ACLY: variants seen among roughly 807,000 people sequenced by gnomAD.
ACLY encodes ATP citrate lyase.
ACLY carries 41 observed loss-of-function variants against 133.0 expected under a neutral mutation model. That is an observed-to-expected ratio of 0.31 (90% CI 0.24 to 0.40). ACLY has a LOEUF of 0.40. Ranked by LOEUF, ACLY falls within the 10% of genes least tolerant of loss-of-function variation. ACLY has a pLI of 1.00. For synonymous variants in ACLY, 495 were observed against 549.3 expected (o/e 0.90, Z 1.38); for missense variants, 1,046 against 1,453.8 (o/e 0.72, Z 4.56).
chr17:41,918,952 A>C (rs2050130397), upstream of ACLY: 6 of 1,289,164 alleles, frequency 4.7e-6, no homozygotes, highest in South Asian at 7.4e-5. Flanking sequence ...GCACCCCAGC[A>C]GCCGGTAGCT....
At chr17:41,868,252 C>T (rs1278655921) in intron 28 of ACLY, among the ~76,000 whole-genome samples, 1 of 151,970 alleles carries the variant, frequency 6.6e-6, no homozygotes, top group African/African-American at 2.4e-5. Context: ...TCCTGGCTAA[C>T]ATGGTGAAAC....
At chr17:41,913,674 C>A in intron 2 of ACLY, 41 bp downstream of exon 2, 1 of 1,601,600 alleles carries the variant, frequency 6.2e-7, no homozygotes, top group South Asian at 1.1e-5. Context: ...TCCTCAGACC[C>A]CGGGCCTGGA....
chr17:41,910,701 G>C (rs2049877179), intron 3 of ACLY, among the ~76,000 whole-genome samples: 1 of 152,194 alleles, frequency 6.6e-6, no homozygotes, highest in Admixed American at 6.5e-5. Context: ...CCGGGCGCAG[G>C]GAATGGGTGG....
At chr17:41,929,580 C>G (rs1459463245) in intron 1 of ACLY, among the ~76,000 whole-genome samples, 1 of 152,196 alleles carries the variant, frequency 6.6e-6, no homozygotes, top group African/African-American at 2.4e-5. Context: ...GTTAATATCA[C>G]TTAAGTGGCC....
upstream of ACLY, among the ~76,000 whole-genome samples, chr17:41,922,046 A>C (rs565995329): frequency 2.9e-4 from 44 of 152,208 alleles, 1 homozygote; most frequent in South Asian, 9.1e-3. Flanking sequence ...AATACAAAAA[A>C]TTAGCTGGAT....
At chr17:41,871,294 T>G (rs1555624976) in intron 25 of ACLY, among the ~76,000 whole-genome samples, 1 of 152,126 alleles carries the variant, frequency 6.6e-6, no homozygotes, top group African/African-American at 2.4e-5. Context: ...AGCTTAGGTA[T>G]TCTCCCAAAT....
intron 27 of ACLY, 112 bp downstream of exon 27, chr17:41,868,931 C>A (rs569987428): frequency 7.9e-5 from 106 of 1,348,906 alleles, no homozygotes; most frequent in Non-Finnish European, 1.0e-4. Context: ...CTTCTTTATA[C>A]CTCTCCTTAT....
chr17:41,893,268 A>G (rs556175182), intron 14 of ACLY, 94 bp from the exon 15 acceptor site: 68 of 1,396,316 alleles, frequency 4.9e-5, no homozygotes, highest in Non-Finnish European at 6.2e-5. Context: ...TCCACGCCCC[A>G]TGTCCACAGG....
chr17:41,910,846 G>A (rs985436820), intron 3 of ACLY, among the ~76,000 whole-genome samples: 2 of 152,172 alleles, frequency 1.3e-5, no homozygotes, highest in Admixed American at 6.5e-5. Context: ...CCTCATCCTA[G>A]TAAGTCCCAA....
upstream of ACLY, among the ~76,000 whole-genome samples, chr17:41,921,511 G>A (rs4796621): frequency 0.88 from 130,592 of 148,792 alleles, 57,786 homozygotes; most frequent in East Asian, 1. Context: ...AAGAAAAAAA[G>A]GAAAAGAAAA....
chr17:41,884,287 G>C lies in ACLY; in HGVS notation c.2073-13C>G. ...GGAGCCCGGGTACCTGTTGAGAGCA[G>C]GGAGTATCAGGATACAGGATCAGGA... On this transcript the variant is annotated splice_polypyrimidine_tract_variant and intron_variant, in intron 18 of 28. Coordinates refer to ENST00000352035, the MANE Select transcript of ACLY (RefSeq NM_001096.3). 1.3e-6 allele frequency: 2 copies of C among 1,569,664 alleles called. No homozygotes were observed. Among genetic ancestry groups the C allele is most frequent in the Non-Finnish European group, 1.8e-6 (2 of 1,139,514 alleles).
At position 41,904,803 on chromosome 17, in the gene ACLY, T is replaced by A. The variant is rs781795666; in HGVS notation, c.1004-13A>T. On this transcript the variant is annotated splice_polypyrimidine_tract_variant and intron_variant, in intron 9 of 28. Transcript: ENST00000352035. ...ATGAGGATCTTGCCTGGATTTGGAG[T>A]AAGAGAGAATCAAAAACAGTTACAT... 1.2e-6 allele frequency: 2 copies of A among 1,612,218 alleles called. No individual in the cohort carries two copies. Among genetic ancestry groups the A allele is most frequent in the East Asian group, 4.5e-5 (2 of 44,876 alleles).
intron 14 of ACLY, among the ~76,000 whole-genome samples, chr17:41,895,882 A>G (rs1555630222): frequency 1.3e-5 from 2 of 152,158 alleles, no homozygotes; most frequent in Non-Finnish European, 2.9e-5. Context: ...AGTTAAATGG[A>G]CGCTCTGATG....
intron 1 of ACLY, among the ~76,000 whole-genome samples, chr17:41,916,106 G>C (rs1019850135): frequency 1.3e-5 from 2 of 152,200 alleles, no homozygotes; most frequent in Non-Finnish European, 2.9e-5. Flanking sequence ...AGGTCCAAGA[G>C]CCCATCTCCA....
intron 23 of ACLY, among the ~76,000 whole-genome samples, chr17:41,873,069 C>T (rs1428140364): frequency 2.6e-5 from 4 of 152,190 alleles, no homozygotes; most frequent in Non-Finnish European, 5.9e-5. Context: ...CCCTGCCCAG[C>T]CGTCAGTCCC....
In ACLY at chr17:41,898,481, A is replaced by G. The variant is rs539640648; in HGVS notation, c.1338+150T>C. 1,327 of 1,060,628 alleles carry G rather than the reference A, an allele frequency of 1.3e-3. 8 individuals carry two copies. The highest frequency in any genetic ancestry group is 4.3e-3 in the South Asian group (247 of 57,466). 65.7% of individuals were successfully genotyped at this position (1,060,628 alleles called of 1,614,324 possible). A position where few individuals can be genotyped will look rare whatever the true frequency, so the allele number is the denominator to read the frequency against. Reference sequence around the variant, plus strand: ...ATTATACTACTTTAATCAGGACAGGAAAAAAATTGGCAGAGATCCACAAAC... The same window carrying G: ...ATTATACTACTTTAATCAGGACAGGGAAAAAATTGGCAGAGATCCACAAAC... On this transcript the variant is annotated intron_variant, in intron 12 of 28. Coordinates refer to ENST00000352035, the MANE Select transcript of ACLY (RefSeq NM_001096.3).
intron 22 of ACLY, among the ~76,000 whole-genome samples, chr17:41,876,001 G>C (rs1412313267): frequency 4.6e-5 from 7 of 151,414 alleles, no homozygotes; most frequent in African/African-American, 1.5e-4. Flanking sequence ...AGTGAGGAGC[G>C]CCTCTTCCCG....
At chr17:41,915,720 C>T (rs1226436399) in intron 1 of ACLY, among the ~76,000 whole-genome samples, 2 of 152,134 alleles carry the variant, frequency 1.3e-5, no homozygotes, top group Admixed American at 6.5e-5. Flanking sequence ...CACGGTCCTC[C>T]ACCCCCCACC....
intron 2 of ACLY, among the ~76,000 whole-genome samples, chr17:41,913,068 G>A (rs1264830972): frequency 6.6e-6 from 1 of 152,126 alleles, no homozygotes; most frequent in Non-Finnish European, 1.5e-5. Flanking sequence ...CTTTGTGGTT[G>A]AGCTGCCTCC....
Sources: gnomAD v4.1 joint callset for allele counts (sites outside exome capture counted in the v4.1 genomes callset) on GRCh38, gnomAD v4.1.1 for gene constraint, MANE v1.5 for transcripts, NCBI Gene and HGNC (gene_info 2026-07-23, HGNC 2026-07-21) for gene names.